TJP1: variants seen among roughly 807,000 people sequenced by gnomAD.
The protein encoded by TJP1 is tight junction protein 1, also known as tight junction protein ZO-1.
Under a neutral mutation model 194.2 loss-of-function variants are expected in TJP1, and 43 were observed. The ratio of observed to expected loss-of-function variants is 0.22; its 90% confidence interval spans 0.17 to 0.29. The LOEUF is 0.29. TJP1 is among the 10% of genes least tolerant of loss of function. TJP1 has a pLI of 1.00. For synonymous variants in TJP1, 801 were observed against 779.0 expected, an observed-to-expected ratio of 1.03 and a Z score of -0.47; for missense variants, 1,971 against 2,185.7, an observed-to-expected ratio of 0.90 and a Z score of 1.96.
chr15:29,816,021 T>A (rs1212534485), intron 1 of TJP1, among the ~76,000 whole-genome samples: 2 of 152,030 alleles, frequency 1.3e-5, no homozygotes, highest in Admixed American at 6.6e-5. Context: ...CTTTCCTTTT[T>A]TTTTTTTGAG....
chr15:29,751,268 C>G (rs2045260607), intron 8 of TJP1, among the ~76,000 whole-genome samples: 1 of 152,192 alleles, frequency 6.6e-6, no homozygotes, highest in African/African-American at 2.4e-5. Flanking sequence ...TCCACTTTGT[C>G]ATTTTGTAAG....
chr15:29,813,603 A>C (rs2049688907), intron 1 of TJP1, among the ~76,000 whole-genome samples: 1 of 152,216 alleles, frequency 6.6e-6, no homozygotes, highest in South Asian at 2.1e-4. Context: ...TCAGAGAGTC[A>C]AAACTAGTGC....
chr15:29,814,679 ACCAGGTATACGCTAATCTTATG>A (rs1181447555), intron 1 of TJP1, among the ~76,000 whole-genome samples: 1 of 152,188 alleles, frequency 6.6e-6, no homozygotes, highest in Non-Finnish European at 1.5e-5. Flanking sequence ...AATTAATTAA[ACCAGGTATACGCTAATCTTATG>A]TTCCTAATTA....
At chr15:29,938,591 C>T (rs905412026) in intron 2 of TJP1, among the ~76,000 whole-genome samples, 1 of 152,176 alleles carries the variant, frequency 6.6e-6, no homozygotes, top group Non-Finnish European at 1.5e-5. Flanking sequence ...ACTACCACCC[C>T]CCAGTTATCA....
intron 2 of TJP1, among the ~76,000 whole-genome samples, chr15:29,909,172 G>A (rs4479176): frequency 0.24 from 33,267 of 136,824 alleles, 4,020 homozygotes; most frequent in Middle Eastern, 0.36. Flanking sequence ...AAAAAAAAAA[G>A]AAAAGAAAAA....
At chr15:29,760,919 A>G (rs2045961429) in intron 8 of TJP1, among the ~76,000 whole-genome samples, 1 of 152,218 alleles carries the variant, frequency 6.6e-6, no homozygotes, top group Admixed American at 6.5e-5. Flanking sequence ...CAGTGAAAAG[A>G]ACTATATGGC....
In TJP1 at chr15:29,932,749, C is replaced by A. The variant is rs1354325134; in HGVS notation, c.306+23483G>T. Among the ~76,000 whole-genome samples, 5 of 152,094 alleles carry A rather than the reference C, an allele frequency of 3.3e-5. No individual in the cohort carries two copies. In the East Asian group the frequency reaches 9.6e-4, roughly 29 times the overall value. ...TACACAAAGAACTCCTACAAATCAACAATCTTCTCTCCAAACAACTATTTT... is the reference window on the plus strand; with the variant it reads ...TACACAAAGAACTCCTACAAATCAAAAATCTTCTCTCCAAACAACTATTTT... On this transcript the variant is annotated intron_variant, in intron 2 of 28. Transcript: ENST00000356107.
chr15:29,958,950 A>T (rs1285542021), intron 1 of TJP1, among the ~76,000 whole-genome samples: 2 of 149,800 alleles, frequency 1.3e-5, no homozygotes, highest in Non-Finnish European at 3.0e-5. Context: ...TGTCTTTTCT[A>T]TGAATCAGTA....
At chr15:29,880,191 T>C (rs2052875019) in intron 2 of TJP1, among the ~76,000 whole-genome samples, 1 of 152,208 alleles carries the variant, frequency 6.6e-6, no homozygotes, top group African/African-American at 2.4e-5. Context: ...AGGGTTTTCA[T>C]TTTTGGTGTC....
At chr15:29,708,196 CAAAA>C (rs770746842) in intron 25 of TJP1, among the ~76,000 whole-genome samples, 3 of 63,510 alleles carry the variant, frequency 4.7e-5, no homozygotes, top group Admixed American at 1.8e-4. Context: ...ACTCTTGTCT[CAAAA>C]AAAAAAAAAA....
At chr15:29,750,113 T>C (rs764054385) in intron 8 of TJP1, among the ~76,000 whole-genome samples, 1 of 152,010 alleles carries the variant, frequency 6.6e-6, no homozygotes, top group Non-Finnish European at 1.5e-5. Context: ...GTTCACGCCA[T>C]TCTCCTGCCT....
intron 8 of TJP1, among the ~76,000 whole-genome samples, chr15:29,748,585 T>G (rs2044983134): frequency 7.1e-6 from 1 of 140,822 alleles, no homozygotes; most frequent in Non-Finnish European, 1.5e-5. Flanking sequence ...TTTTTTTTTT[T>G]TTTTTTTGAG....
At chr15:29,878,876 G>GC (rs1261527955) in intron 2 of TJP1, among the ~76,000 whole-genome samples, 1 of 152,052 alleles carries the variant, frequency 6.6e-6, no homozygotes, top group Non-Finnish European at 1.5e-5. Flanking sequence ...TGTAATCCCA[G>GC]CACTTAGGGA....
chr15:29,909,435 C>G (rs1441395678), intron 2 of TJP1, among the ~76,000 whole-genome samples: 1 of 151,680 alleles, frequency 6.6e-6, no homozygotes. Context: ...GACATGGCAG[C>G]TACCTTGCAG....
At position 29,720,580 on chromosome 15, in the gene TJP1, G is replaced by A. The variant is rs762178962; in HGVS notation, c.2541C>T (p.Asp847=). ...SRHTSDYEDT[D]TEGGAYTDQE... ...GATCAGTGTAGGCCCCGCCTTCTGT[G>A]TCTGTGTCTTCATAGTCAGAAGTGT... Residue 847 remains aspartate (D), a synonymous_variant, in exon 19 of 28, where the codon GAC becomes GAT. Coordinates refer to ENST00000614355, the MANE Select transcript of TJP1 (RefSeq NM_001330239.4). 1 of 1,614,112 alleles carries A rather than the reference G, an allele frequency of 6.2e-7. No individual in the cohort carries two copies. The highest frequency in any genetic ancestry group is 2.2e-5 in the East Asian group (1 of 44,856).
At chr15:29,720,292 A>C in intron 19 of TJP1, 66 bp downstream of exon 19, 1 of 1,346,586 alleles carries the variant, frequency 7.4e-7, no homozygotes, top group African/African-American at 1.5e-5. Flanking sequence ...TTTTTAACTC[A>C]ATCACCACAT....
upstream of TJP1, among the ~76,000 whole-genome samples, chr15:29,826,003 T>C (rs944090507): frequency 3.3e-5 from 5 of 152,172 alleles, no homozygotes; most frequent in African/African-American, 1.2e-4. Context: ...AACTTTTTAA[T>C]CTTATAAAGT....
At chr15:29,758,182 T>G (rs1486181114) in intron 8 of TJP1, among the ~76,000 whole-genome samples, 1 of 152,186 alleles carries the variant, frequency 6.6e-6, no homozygotes, top group Non-Finnish European at 1.5e-5. Flanking sequence ...GTTAAGTTTT[T>G]GGGAAGTTAA....
At chr15:29,952,930 T>G (rs1252354162) in intron 2 of TJP1, among the ~76,000 whole-genome samples, 1 of 152,140 alleles carries the variant, frequency 6.6e-6, no homozygotes, top group East Asian at 1.9e-4. Flanking sequence ...TCCTATGTAA[T>G]TAGAAGTCAT....
Sources: gnomAD v4.1 joint callset for allele counts (sites outside exome capture counted in the v4.1 genomes callset) on GRCh38, gnomAD v4.1.1 for gene constraint, MANE v1.5 for transcripts, NCBI Gene and HGNC (gene_info 2026-07-23, HGNC 2026-07-21) for gene names.